The following KCNC3 variants were observed in gnomAD, a reference collection of about 807,000 sequenced individuals.
KCNC3 encodes the protein voltage-gated potassium channel KCNC3.
In KCNC3, 22 loss-of-function variants were observed where a neutral mutation model predicts 43.9. That is an observed-to-expected ratio of 0.50 (90% CI 0.36 to 0.72). KCNC3 has a LOEUF of 0.72. Ranked by LOEUF, KCNC3 falls within the 30% of genes least tolerant of loss-of-function variation. KCNC3 has a pLI of 0.00. For missense variants in KCNC3, 829 were observed against 1,073.8 expected, an observed-to-expected ratio of 0.77 and a Z score of 3.19; for synonymous variants, 492 against 488.0, an observed-to-expected ratio of 1.01 and a Z score of -0.11.
chr19:50,327,513 G>A (rs955877166), intron 1 of KCNC3, among the ~76,000 whole-genome samples: 1 of 152,146 alleles, frequency 6.6e-6, no homozygotes, highest in African/African-American at 2.4e-5. Flanking sequence ...TGAGGTTGGG[G>A]TGGGGGAGTT....
upstream of KCNC3, among the ~76,000 whole-genome samples, chr19:50,332,150 T>C (rs1055724216): frequency 6.6e-6 from 1 of 152,048 alleles, no homozygotes; most frequent in Non-Finnish European, 1.5e-5. The surrounding 1 kb of genome is among the most constrained non-coding windows in gnomAD (Gnocchi z 5.8). Flanking sequence ...GGGACTGGGC[T>C]GGGGCTGGAT....
At chr19:50,333,078 C>T (rs1279064934), upstream of KCNC3, among the ~76,000 whole-genome samples, 21 of 152,216 alleles carry the variant, frequency 1.4e-4, no homozygotes, top group Admixed American at 1.4e-3. Context: ...GGGAATCTCC[C>T]CGCTATAATC....
rs757915313 is a variant in KCNC3 at position 50,328,765 on chromosome 19, C to G, written c.318G>C (p.Leu106=). 1.9e-6 allele frequency: 3 copies of G among 1,585,962 alleles called. 1 individual carries two copies. The South Asian group carries it at 3.4e-5, about 18-fold the overall frequency. The change falls in exon 1 of 5, where the codon CTG becomes CTC. Residue 106 remains leucine (L), a synonymous_variant. Transcript: ENST00000477616. ...CCAGCCGCGTCCCCGGCAGGGTGCG[C>G]AGCGTCGAGCGGTACGTCTCATGGC... ...GVRHETYRST[L]RTLPGTRLAG...
chr19:50,324,226 G>A lies in KCNC3; in HGVS notation c.871-144C>T. On this transcript the variant is annotated intron_variant, in intron 1 of 4. Transcript: ENST00000477616. This position sits in a 1 kb window ranked among gnomAD's most constrained non-coding sequence, Gnocchi z 4.1. ...AAAATCCAGGTGTCTCAGCCCTGTG[G>A]CTCCATCACTTCCAGAATCCCATTC... is the stretch of plus-strand genomic sequence containing the variant. The A allele has an allele frequency of 1.4e-6, 1 of 710,542 alleles. No individual in the cohort carries two copies. Among genetic ancestry groups the A allele is most frequent in the East Asian group, 2.7e-5 (1 of 36,930 alleles). The allele number at this position is 710,542 out of a possible 1,614,324, so 44.0% of individuals were successfully genotyped here.
At position 50,329,223 on chromosome 19, in the gene KCNC3, A is replaced by T. The variant is rs1480618533; in HGVS notation, c.-141T>A. ...GGAACCAAACTGATTGGCCTGGGGG[A>T]GGTGGGGCGGGGCTGTGGCTGGGAG... On this transcript the variant is annotated 5_prime_UTR_variant, in exon 1 of 5. Transcript: ENST00000477616. 8.1e-5 allele frequency: 1 copy of T among 12,422 alleles called. No individual in the cohort carries two copies. The highest frequency in any genetic ancestry group is 1.6e-4 in the Non-Finnish European group (1 of 6,328). 0.8% of individuals were successfully genotyped at this position (12,422 alleles called of 1,614,324 possible).
chr19:50,323,054 G>A lies in KCNC3; in HGVS notation c.1899C>T (p.Ile633=), dbSNP rs1450164169. The A allele has an allele frequency of 1.3e-6, 2 of 1,541,752 alleles. No homozygotes were observed. The highest frequency in any genetic ancestry group is 2.4e-5 in the East Asian group (1 of 40,844). Reference sequence around the variant, plus strand: ...GGGCTGGCAGAGGAGGCAGCCCCATGATCCCCAGCCCACCCGCTCCCCCCC... The same window carrying A: ...GGGCTGGCAGAGGAGGCAGCCCCATAATCCCCAGCCCACCCGCTCCCCCCC... ...LLRGGAGGLG[I]MGLPPLPAPG... is the part of the protein sequence containing the mutation. The change falls in exon 2 of 5, where the codon ATC becomes ATT. Residue 633 remains isoleucine, a synonymous_variant. Transcript: ENST00000477616.
Position 50,322,979 on chromosome 19 carries a change from C to G in KCNC3, c.1974G>C (p.Arg658=). 1.3e-6 allele frequency: 2 copies of G among 1,550,570 alleles called. No individual in the cohort carries two copies. The highest frequency in any genetic ancestry group is 1.7e-6 in the Non-Finnish European group (2 of 1,147,422). ...ATCCCTGACGCCCAGGCTCACCTGC[C>G]CGGTTGATCTCAATCACCTCCTCCT... ...LAQEEVIEIN[R]ADPRPNGDPA... is the part of the protein sequence containing the mutation. The change falls in exon 2 of 5, where the codon CGG becomes CGC. Residue 658 remains arginine (R), a synonymous_variant. Transcript: ENST00000477616.
chr19:50,326,967 C>T (rs2037115416), intron 1 of KCNC3, among the ~76,000 whole-genome samples: 1 of 151,784 alleles, frequency 6.6e-6, no homozygotes, highest in Admixed American at 6.6e-5. Flanking sequence ...GGAAGGAATC[C>T]CAGGGCAAGG....
intron 2 of KCNC3, among the ~76,000 whole-genome samples, chr19:50,321,340 C>A (rs373150865): frequency 2.0e-5 from 3 of 152,190 alleles, no homozygotes; most frequent in Admixed American, 1.3e-4. Context: ...TAGTAGTACA[C>A]GCCTATAGTC....
At position 50,323,077 on chromosome 19, in the gene KCNC3, C is replaced by T. The variant is rs368232448; in HGVS notation, c.1876G>A (p.Gly626Arg). The T allele has an allele frequency of 1.9e-6, 3 of 1,539,522 alleles. No homozygotes were observed. Among genetic ancestry groups the T allele is most frequent in the African/African-American group, 2.7e-5 (2 of 72,900 alleles). The change falls in exon 2 of 5, where the codon GGG becomes AGG. Residue 626 changes from glycine to arginine, a missense_variant. Gly to Arg is a moderately radical substitution (Grantham distance 125). This residue lies in a region of KCNC3 where 308 missense variants were observed against 276.2 expected (regional missense o/e 1.11). Coordinates refer to ENST00000477616, the MANE Select transcript of KCNC3 (RefSeq NM_004977.3). ...ATGATCCCCAGCCCACCCGCTCCCC[C>T]CCTGAGCAGCCCGGGGTGCGTGTGG... ...GPHTHPGLLR[G>R]GAGGLGIMGL... is the part of the protein sequence containing the mutation.
rs748735877 is a variant in KCNC3, at chr19:50,320,779, G to T, written c.1984C>A (p.Arg662Ser). Residue 662 changes from arginine (R) to serine (S), a missense_variant, in exon 3 of 5, where the codon CGC (arginine) becomes AGC (serine). This residue lies in a region of KCNC3 where 308 missense variants were observed against 276.2 expected (regional missense o/e 1.11). Coordinates refer to ENST00000477616, the MANE Select transcript of KCNC3 (RefSeq NM_004977.3). Reference protein sequence around the residue: ...EVIEINRADPRPNGDPAAAAL... With the variant: ...EVIEINRADPSPNGDPAAAAL... The stretch of plus-strand genomic sequence containing the variant: ...GCTGCTGCCGGATCCCCATTGGGGC[G>T]AGGATCTGCATCCCAAGGGGGTCAG... 1 of 1,613,758 alleles carries T rather than the reference G, an allele frequency of 6.2e-7. No homozygotes were observed. The highest frequency in any genetic ancestry group is 8.5e-7 in the Non-Finnish European group (1 of 1,179,912).
chr19:50,323,911 G>A lies in KCNC3; in HGVS notation c.1042C>T (p.Leu348=), dbSNP rs141390395. 10 of 1,614,128 alleles carry A rather than the reference G, an allele frequency of 6.2e-6. No individual in the cohort carries two copies. In the African/African-American group the frequency reaches 1.2e-4, roughly 19 times the overall value. Residue 348 remains leucine (L), a synonymous_variant, in exon 2 of 5, where the codon CTG becomes TTG. Transcript: ENST00000477616. ...TNVEVETEPF[L]TYVEGVCVVW... is the part of the protein sequence containing the mutation. The stretch of plus-strand genomic sequence containing the variant: ...ACGCACACCCCCTCCACGTAGGTCA[G>A]GAAGGGCTCCGTCTCCACCTCCACG...
intron 4 of KCNC3, among the ~76,000 whole-genome samples, chr19:50,318,130 G>A (rs1056294477): frequency 1.1e-4 from 17 of 151,910 alleles, no homozygotes; most frequent in Admixed American, 2.6e-4. Context: ...TAATAGTCTT[G>A]TTCTTTTATC....
upstream of KCNC3, among the ~76,000 whole-genome samples, chr19:50,330,339 G>A (rs1367915308): frequency 6.6e-6 from 1 of 152,064 alleles, no homozygotes; most frequent in Non-Finnish European, 1.5e-5. Context: ...AGGAAGGAGC[G>A]GGGCTTGAGG....
upstream of KCNC3, among the ~76,000 whole-genome samples, chr19:50,332,086 C>A (rs990869171): frequency 6.6e-6 from 1 of 152,150 alleles, no homozygotes; most frequent in Non-Finnish European, 1.5e-5. This position sits in a 1 kb window ranked among gnomAD's most constrained non-coding sequence, Gnocchi z 5.8. Context: ...TACTTCCTAC[C>A]CCTTCCCCGA....
upstream of KCNC3, among the ~76,000 whole-genome samples, chr19:50,330,690 A>G (rs1005779408): frequency 6.6e-6 from 1 of 152,154 alleles, no homozygotes; most frequent in Admixed American, 6.5e-5. Flanking sequence ...CCAAAGCGCC[A>G]GGAAGCACCG....
At chr19:50,333,417 T>C, upstream of KCNC3, 1 of 156,122 alleles carries the variant, frequency 6.4e-6, no homozygotes, top group East Asian at 1.9e-4. Context: ...GGAGACGAGG[T>C]CCGAGGGAAC....
chr19:50,317,128 T>G (rs1399925494), intron 4 of KCNC3, among the ~76,000 whole-genome samples: 3 of 112,124 alleles, frequency 2.7e-5, no homozygotes, highest in Admixed American at 9.7e-5. Flanking sequence ...GGACTGGGAG[T>G]GGGTGCAAGC....
rs2123525509 is a variant in KCNC3 at position 50,320,297 on chromosome 19, T to G, written c.2223A>C (p.Pro741=). ...PPQDWRKPGP[P]SFLPDLNANA... is the part of the protein sequence containing the mutation. ...TGGCGTTGAGGTCGGGCAAGAAGCT[T>G]GGGGGGCCTGGCTTACGCCAGTCTT... Residue 741 remains proline, a synonymous_variant, in exon 4 of 5, where the codon CCA becomes CCC. Coordinates refer to ENST00000477616, the MANE Select transcript of KCNC3 (RefSeq NM_004977.3). 2.6e-5 allele frequency: 19 copies of G among 739,140 alleles called. No individual in the cohort carries two copies. Among genetic ancestry groups the G allele is most frequent in the Admixed American group, 1.0e-4 (2 of 19,114 alleles). The allele number at this position is 739,140 out of a possible 1,614,324, so 45.8% of individuals were successfully genotyped here. A position where few individuals can be genotyped will look rare whatever the true frequency, so the allele number is the denominator to read the frequency against.
Sources: gnomAD v4.1 joint callset for allele counts (sites outside exome capture counted in the v4.1 genomes callset) on GRCh38, gnomAD v4.1.1 for gene constraint, gnomAD v4.1.1 regional missense constraint, Gnocchi (gnomAD v3.1) non-coding constraint, MANE v1.5 for transcripts, NCBI Gene and HGNC (gene_info 2026-07-23, HGNC 2026-07-21) for gene names.